The following RBFOX1 variants were observed in gnomAD, a reference collection of about 807,000 sequenced individuals.
The protein encoded by RBFOX1 is RNA binding protein fox-1 homolog 1.
A neutral mutation model predicts 57.7 loss-of-function variants in RBFOX1; 8 were observed. That is an observed-to-expected ratio of 0.14 (90% confidence interval 0.08 to 0.25). RBFOX1 has a LOEUF of 0.25. RBFOX1 is among the 10% of genes least tolerant of loss of function. The pLI is 1.00. For missense variants in RBFOX1, 611 were observed against 548.5 expected (o/e 1.11, Z -1.14); for synonymous variants, 326 against 222.4 (o/e 1.47, Z -4.15).
chr16:6,664,807 G>T (rs753826446), intron 3 of RBFOX1, among the ~76,000 whole-genome samples: 2 of 152,182 alleles, frequency 1.3e-5, no homozygotes, highest in Non-Finnish European at 2.9e-5. Flanking sequence ...ATTTCAAAAG[G>T]CAAGGTAGTA....
intron 2 of RBFOX1, among the ~76,000 whole-genome samples, chr16:6,490,284 T>C (rs1219648627): frequency 6.6e-6 from 1 of 152,222 alleles, no homozygotes; most frequent in African/African-American, 2.4e-5. Flanking sequence ...ATTAAATACA[T>C]ACCAGAATAT....
At chr16:6,779,896 TA>T (rs2080213365) in intron 3 of RBFOX1, among the ~76,000 whole-genome samples, 2 of 57,538 alleles carry the variant, frequency 3.5e-5, no homozygotes, top group Non-Finnish European at 5.8e-5. Context: ...TATTTATATA[TA>T]TTTATATATA....
chr16:6,545,463 G>A (rs541754305), intron 2 of RBFOX1, among the ~76,000 whole-genome samples: 1 of 152,136 alleles, frequency 6.6e-6, no homozygotes, highest in Admixed American at 6.5e-5. Context: ...CATTTCTGTT[G>A]CAGCCTTGGA....
intron 1 of RBFOX1, among the ~76,000 whole-genome samples, chr16:6,177,620 GTCA>G (rs1357946381): frequency 3.6e-4 from 54 of 152,076 alleles, no homozygotes; most frequent in Non-Finnish European, 1.3e-4. Flanking sequence ...TCCCCTCACT[GTCA>G]TCCCAGCAAG....
At chr16:5,981,191 A>G (rs1441259541) in intron 4 of RBFOX1, among the ~76,000 whole-genome samples, 2 of 152,190 alleles carry the variant, frequency 1.3e-5, no homozygotes, top group Non-Finnish European at 1.5e-5. Flanking sequence ...AAATAATAGT[A>G]CAGGCTCTGC....
intron 4 of RBFOX1, among the ~76,000 whole-genome samples, chr16:7,283,426 C>T (rs569232600): frequency 6.6e-6 from 1 of 152,152 alleles, no homozygotes; most frequent in Admixed American, 6.5e-5. Flanking sequence ...TTTAGGGGAG[C>T]TCACTAGGTA....
intron 4 of RBFOX1, among the ~76,000 whole-genome samples, chr16:7,248,775 G>T (rs1285023108): frequency 6.6e-6 from 1 of 152,158 alleles, no homozygotes; most frequent in Non-Finnish European, 1.5e-5. Context: ...GTATGTCTAG[G>T]CAGAGATATA....
At chr16:7,403,568 C>A (rs1166921051) in intron 4 of RBFOX1, among the ~76,000 whole-genome samples, 1 of 146,176 alleles carries the variant, frequency 6.8e-6, no homozygotes, top group Non-Finnish European at 1.5e-5. Flanking sequence ...AGAATCCCCC[C>A]CCCCCCACTT....
intron 3 of RBFOX1, among the ~76,000 whole-genome samples, chr16:6,798,305 T>C (rs2084568564): frequency 6.6e-6 from 1 of 152,132 alleles, no homozygotes; most frequent in African/African-American, 2.4e-5. Flanking sequence ...ATCTAGAAAC[T>C]TGCATTTTTG....
intron 1 of RBFOX1, among the ~76,000 whole-genome samples, chr16:5,464,105 C>G (rs932088080): frequency 2.0e-5 from 3 of 152,134 alleles, no homozygotes; most frequent in Non-Finnish European, 2.9e-5. Context: ...AACGGGGATG[C>G]CTTCTGGGTG....
chr16:7,528,030 G>C (rs994127850), intron 5 of RBFOX1, among the ~76,000 whole-genome samples: 1 of 152,170 alleles, frequency 6.6e-6, no homozygotes, highest in Non-Finnish European at 1.5e-5. Context: ...AGTACAAGCT[G>C]TTCTTGGTCT....
chr16:6,843,065 A>G (rs2093573621), intron 3 of RBFOX1, among the ~76,000 whole-genome samples: 2 of 151,970 alleles, frequency 1.3e-5, no homozygotes, highest in South Asian at 4.2e-4. Flanking sequence ...TTTATCCTTG[A>G]TGGGCATTTG....
chr16:6,771,737 G>A (rs558888034), intron 3 of RBFOX1, among the ~76,000 whole-genome samples: 1 of 152,298 alleles, frequency 6.6e-6, no homozygotes, highest in African/African-American at 2.4e-5. Context: ...GTGGAGGCCA[G>A]GGATGCTGTT....
chr16:7,149,134 G>T (rs996501552), intron 4 of RBFOX1, among the ~76,000 whole-genome samples: 15 of 152,180 alleles, frequency 9.9e-5, no homozygotes, highest in African/African-American at 3.6e-4. Context: ...ATGGAAGAGA[G>T]AAACCAAGTA....
intron 2 of RBFOX1, among the ~76,000 whole-genome samples, chr16:6,624,694 T>C (rs2098279335): frequency 1.3e-5 from 2 of 152,146 alleles, no homozygotes; most frequent in African/African-American, 2.4e-5. Context: ...CAGAAACTCC[T>C]AGACGTCGTT....
intron 2 of RBFOX1, among the ~76,000 whole-genome samples, chr16:6,498,945 C>G (rs977198331): frequency 6.6e-6 from 1 of 152,176 alleles, no homozygotes; most frequent in Admixed American, 6.5e-5. Context: ...TTGGAGCCTT[C>G]TCCTCCAATA....
chr16:5,622,182 ACCTG>A (rs1954782754), intron 3 of RBFOX1, among the ~76,000 whole-genome samples: 1 of 152,318 alleles, frequency 6.6e-6, no homozygotes, highest in African/African-American at 2.4e-5. Context: ...TCTACAGTGT[ACCTG>A]CTAGGCTCTA....
chr16:5,897,461 C>T (rs972054010), intron 4 of RBFOX1, among the ~76,000 whole-genome samples: 1 of 152,218 alleles, frequency 6.6e-6, no homozygotes, highest in Non-Finnish European at 1.5e-5. Flanking sequence ...ATCACTACCT[C>T]ATGGGAAACA....
chr16:6,826,141 C>A (rs1051232754), intron 3 of RBFOX1, among the ~76,000 whole-genome samples: 2 of 152,090 alleles, frequency 1.3e-5, no homozygotes, highest in Admixed American at 6.6e-5. Context: ...CTCCCTACCC[C>A]AGTTTTCTCA....
Sources: allele counts gnomAD v4.1 joint callset (sites outside exome capture counted in the v4.1 genomes callset), GRCh38; gene constraint gnomAD v4.1.1; transcripts MANE v1.5; gene names NCBI Gene and HGNC (gene_info 2026-07-23, HGNC 2026-07-21).